SMIM14: variants seen among roughly 807,000 people sequenced by gnomAD.
The protein encoded by SMIM14 is chromosome 4 open reading frame 34.
A neutral mutation model predicts 12.6 loss-of-function variants in SMIM14; 5 were observed. The ratio of observed to expected loss-of-function variants is 0.40; its 90% CI spans 0.21 to 0.83. The LOEUF is 0.83. Ranked by LOEUF, SMIM14 falls within the 40% of genes least tolerant of loss-of-function variation. The probability of loss-of-function intolerance (pLI) is 0.37; values close to 1 mark genes in which losing one functional copy is unlikely to be tolerated. For missense variants in SMIM14, 86 were observed against 119.1 expected (o/e 0.72, Z 1.29); for synonymous variants, 30 against 40.1 (o/e 0.75, Z 0.95).
chr4:39,565,191 C>G (rs1712510773), intron 3 of SMIM14, among the ~76,000 whole-genome samples: 1 of 152,242 alleles, frequency 6.6e-6, no homozygotes, highest in Admixed American at 6.5e-5. Flanking sequence ...TTACTCCAGC[C>G]TGGGCAACAG....
At chr4:39,612,819 T>C (rs2110065756) in intron 1 of SMIM14, among the ~76,000 whole-genome samples, 1 of 152,348 alleles carries the variant, frequency 6.6e-6, no homozygotes, top group East Asian at 1.9e-4. Flanking sequence ...AGGTTGGTCC[T>C]GAACTCTTGA....
intron 1 of SMIM14, among the ~76,000 whole-genome samples, chr4:39,625,186 C>G (rs576528101): frequency 6.7e-6 from 1 of 148,592 alleles, no homozygotes; most frequent in African/African-American, 2.5e-5. Flanking sequence ...CCATTGCACT[C>G]CAGTCTGGGC....
intron 1 of SMIM14, among the ~76,000 whole-genome samples, chr4:39,619,876 A>ATATATTTTTT (rs71192884): frequency 3.5e-5 from 4 of 115,868 alleles, no homozygotes; most frequent in Admixed American, 1.1e-4. Context: ...ATATATATAT[A>ATATATTTTTT]TTTTTTTTTT....
chr4:39,604,732 T>C (rs1714741661), intron 2 of SMIM14, among the ~76,000 whole-genome samples: 1 of 151,814 alleles, frequency 6.6e-6, no homozygotes, highest in Admixed American at 6.6e-5. Context: ...TGTCTCAGCC[T>C]TCCGAGTAGC....
intron 3 of SMIM14, among the ~76,000 whole-genome samples, chr4:39,557,750 C>A (rs904810955): frequency 2.0e-5 from 3 of 151,968 alleles, no homozygotes; most frequent in Non-Finnish European, 4.4e-5. Context: ...CATATGAATC[C>A]AAGTTAAGAC....
intron 2 of SMIM14, among the ~76,000 whole-genome samples, chr4:39,601,100 T>G (rs914087887): frequency 2.0e-5 from 3 of 152,154 alleles, no homozygotes; most frequent in Non-Finnish European, 4.4e-5. Flanking sequence ...TTATTATTTA[T>G]GAAAAGGAAC....
At chr4:39,605,953 G>A (rs908013853) in intron 1 of SMIM14, among the ~76,000 whole-genome samples, 1 of 152,118 alleles carries the variant, frequency 6.6e-6, no homozygotes, top group Non-Finnish European at 1.5e-5. Flanking sequence ...GGCCAGGCTG[G>A]TCTTGAACTC....
intron 2 of SMIM14, among the ~76,000 whole-genome samples, chr4:39,588,903 A>G (rs1713920759): frequency 6.6e-6 from 1 of 152,172 alleles, no homozygotes; most frequent in Non-Finnish European, 1.5e-5. Context: ...CTGCATAGAG[A>G]AGTCTCTCAA....
intron 1 of SMIM14, among the ~76,000 whole-genome samples, chr4:39,621,912 G>T (rs1310141680): frequency 6.6e-6 from 1 of 151,106 alleles, no homozygotes; most frequent in Non-Finnish European, 1.5e-5. Flanking sequence ...GAACTCCCAG[G>T]CTCCAGCCAT....
intron 2 of SMIM14, 104 bp from the exon 3 acceptor site, chr4:39,572,567 T>A: frequency 1.1e-6 from 1 of 890,584 alleles, no homozygotes; most frequent in Non-Finnish European, 1.8e-6. Flanking sequence ...CTCACGCCTG[T>A]AATCCCACAC....
chr4:39,636,487 TA>T (rs1716095477), intron 1 of SMIM14, among the ~76,000 whole-genome samples: 1 of 152,184 alleles, frequency 6.6e-6, no homozygotes. Context: ...ATGCTTTTAA[TA>T]ATTATGGTTT....
intron 2 of SMIM14, among the ~76,000 whole-genome samples, chr4:39,584,338 C>T (rs916679656): frequency 6.6e-6 from 1 of 150,592 alleles, no homozygotes; most frequent in Admixed American, 6.7e-5. Context: ...AAAAATTAGC[C>T]GGGCATGCTG....
chr4:39,588,244 T>C (rs1713884408), intron 2 of SMIM14, among the ~76,000 whole-genome samples: 1 of 152,050 alleles, frequency 6.6e-6, no homozygotes, highest in African/African-American at 2.4e-5. Context: ...ATGGGAACAA[T>C]ACACAAGAAA....
intron 2 of SMIM14, among the ~76,000 whole-genome samples, chr4:39,599,751 G>A (rs1027160225): frequency 1.3e-5 from 2 of 151,920 alleles, no homozygotes; most frequent in Middle Eastern, 3.4e-3. Flanking sequence ...ATGAAACCCC[G>A]TCTCTACTAA....
intron 2 of SMIM14, among the ~76,000 whole-genome samples, chr4:39,577,968 C>T (rs916442475): frequency 1.3e-5 from 2 of 152,084 alleles, no homozygotes; most frequent in Admixed American, 6.6e-5. Context: ...AATGAAATGC[C>T]GAAGTACCAC....
chr4:39,599,930 C>CAAA (rs1714533781), intron 2 of SMIM14, among the ~76,000 whole-genome samples: 1 of 37,366 alleles, frequency 2.7e-5, no homozygotes, highest in Non-Finnish European at 6.0e-5. Flanking sequence ...TCAAAAACAA[C>CAAA]AACAAAAAAA....
intron 2 of SMIM14, chr4:39,583,858 T>C (rs1482807321): frequency 6.6e-6 from 1 of 152,102 alleles, no homozygotes; most frequent in African/African-American, 2.4e-5. Flanking sequence ...CAGTATTTCA[T>C]TTAATTTCAT....
intron 2 of SMIM14, among the ~76,000 whole-genome samples, chr4:39,596,445 AT>A (rs1306195256): frequency 6.6e-6 from 1 of 152,162 alleles, no homozygotes; most frequent in African/African-American, 2.4e-5. Flanking sequence ...CAAGAAGAAC[AT>A]GATGCTGAAG....
At chr4:39,608,893 A>C (rs1714913180) in intron 1 of SMIM14, among the ~76,000 whole-genome samples, 1 of 152,164 alleles carries the variant, frequency 6.6e-6, no homozygotes, top group South Asian at 2.1e-4. Flanking sequence ...AGGATCTTTC[A>C]GGGGGGCTGA....
Sources: allele counts gnomAD v4.1 joint callset (sites outside exome capture counted in the v4.1 genomes callset), GRCh38; gene constraint gnomAD v4.1.1; transcripts MANE v1.5; gene names NCBI Gene and HGNC (gene_info 2026-07-23, HGNC 2026-07-21).